MRC1: variants seen among roughly 807,000 people sequenced by gnomAD.
MRC1 encodes the protein macrophage mannose receptor 1.
MRC1 carries 62 observed loss-of-function variants against 102.9 expected under a neutral mutation model. That is an observed-to-expected ratio of 0.60 (90% CI 0.49 to 0.74). The LOEUF is 0.74. Among genes scored for constraint, MRC1 ranks in the 30% least tolerant of loss-of-function variants. The probability of loss-of-function intolerance (pLI) is 0.00; values close to 1 mark genes in which losing one functional copy is unlikely to be tolerated. For synonymous variants in MRC1, 457 were observed against 298.4 expected, an observed-to-expected ratio of 1.53 and a Z score of -5.48; for missense variants, 1,237 against 862.8, an observed-to-expected ratio of 1.43 and a Z score of -5.43.
intron 2 of MRC1, among the ~76,000 whole-genome samples, chr10:17,824,033 T>C (rs894485731): frequency 3.5e-4 from 53 of 152,332 alleles, no homozygotes; most frequent in Admixed American, 2.0e-4. Context: ...ATCTCTAGGA[T>C]TAGCTTGTAA....
chr10:17,878,242 T>C (rs1351644768), intron 18 of MRC1, among the ~76,000 whole-genome samples: 1 of 152,210 alleles, frequency 6.6e-6, no homozygotes, highest in African/African-American at 2.4e-5. Context: ...AATCATCTAC[T>C]AAAAAGTTGT....
At chr10:17,819,024 T>C (rs1296600455) in intron 1 of MRC1, among the ~76,000 whole-genome samples, 2 of 152,150 alleles carry the variant, frequency 1.3e-5, no homozygotes, top group South Asian at 2.1e-4. Flanking sequence ...AGTGGTTCCC[T>C]TTTGCAGGGT....
chr10:17,834,193 G>A (rs1838625538), intron 4 of MRC1, among the ~76,000 whole-genome samples: 1 of 152,168 alleles, frequency 6.6e-6, no homozygotes, highest in Non-Finnish European at 1.5e-5. Flanking sequence ...GGTCTAACCT[G>A]AAGCCACAGG....
intron 2 of MRC1, among the ~76,000 whole-genome samples, 161 bp from the exon 3 acceptor site, chr10:17,827,359 GAAAAAAAATACCCAAAAAAAAA>G (rs1838492408): frequency 1.9e-5 from 1 of 53,532 alleles, no homozygotes; most frequent in African/African-American, 7.1e-5. Context: ...GAAGGAGAAG[GAAAAAAAATACCCAAAAAAAAA>G]AAAAAAAAAA....
intron 4 of MRC1, among the ~76,000 whole-genome samples, chr10:17,840,065 CA>C (rs35908194): frequency 3.5e-4 from 36 of 103,064 alleles, no homozygotes; most frequent in South Asian, 7.4e-4. Context: ...GACTCCAACT[CA>C]AAAAAAAAAA....
chr10:17,815,565 T>A (rs147243309), intron 1 of MRC1, among the ~76,000 whole-genome samples: 77,084 of 151,910 alleles, frequency 0.51, 19,797 homozygotes, highest in Middle Eastern at 0.6. Flanking sequence ...TTCTACTGAC[T>A]TGGGAGCGAA....
At chr10:17,812,722 C>G (rs2130569159) in intron 1 of MRC1, among the ~76,000 whole-genome samples, 1 of 152,154 alleles carries the variant, frequency 6.6e-6, no homozygotes, top group African/African-American at 2.4e-5. Context: ...CAGGCACCCG[C>G]CACCACACCC....
chr10:17,814,229 C>T (rs1211393073), intron 1 of MRC1, among the ~76,000 whole-genome samples: 1 of 152,130 alleles, frequency 6.6e-6, no homozygotes, highest in Non-Finnish European at 1.5e-5. Context: ...GATCTTTAGA[C>T]TCTGAGGCTA....
intron 4 of MRC1, among the ~76,000 whole-genome samples, chr10:17,836,710 C>T (rs906635907): frequency 6.6e-6 from 1 of 151,930 alleles, no homozygotes; most frequent in Non-Finnish European, 1.5e-5. Flanking sequence ...GTGGCAGGCT[C>T]CTGTATTCCC....
At chr10:17,841,748 T>C (rs1838754499) in intron 5 of MRC1, among the ~76,000 whole-genome samples, 2 of 151,594 alleles carry the variant, frequency 1.3e-5, no homozygotes, top group African/African-American at 4.8e-5. Context: ...CCATTTTTTT[T>C]TTTTTTTTTT....
rs1430868130 is a variant in MRC1, at chr10:17,886,343, TTTCC to T, written c.3147+909_3147+912del. Reference sequence around the variant, plus strand: ...TCCTTCCTTCCTTCCTTCCTTCTTCTTTCCCTCCCTCCCTCTCCCTCTCCCTCTC... The same window carrying T: ...TCCTTCCTTCCTTCCTTCCTTCTTCTCTCCCTCCCTCTCCCTCTCCCTCTC... On this transcript the variant is annotated intron_variant, in intron 22 of 29. Coordinates refer to ENST00000569591, the MANE Select transcript of MRC1 (RefSeq NM_002438.4). Among the ~76,000 whole-genome samples, 832 of 147,678 alleles carry T rather than the reference TTTCC, an allele frequency of 5.6e-3. 9 individuals are homozygous for T. The highest frequency in any genetic ancestry group is 0.018 in the African/African-American group (714 of 39,276).
chr10:17,870,621 C>T (rs1176574934), intron 13 of MRC1, among the ~76,000 whole-genome samples: 3 of 152,048 alleles, frequency 2.0e-5, no homozygotes, highest in Non-Finnish European at 4.4e-5. Context: ...TCTTTCAATA[C>T]GATACCATTA....
chr10:17,853,270 A>G, intron 8 of MRC1, 146 bp downstream of exon 8: 1 of 688,970 alleles, frequency 1.5e-6, no homozygotes, highest in Non-Finnish European at 2.7e-6. Flanking sequence ...TTCAGATTTG[A>G]TTTCTTGAAT....
chr10:17,863,966 T>C lies in MRC1; in HGVS notation c.1783+284T>C, dbSNP rs1284722985. ...TCTACTTAAAACCTATTCATGAAAT[T>C]CTCAGTGGTCGCAAAGGTTTCAAAT... On this transcript the variant is annotated intron_variant, in intron 11 of 29. Coordinates refer to ENST00000569591, the MANE Select transcript of MRC1 (RefSeq NM_002438.4). Among the ~76,000 whole-genome samples, 5 of 152,256 alleles carry C rather than the reference T, an allele frequency of 3.3e-5. No homozygotes were observed. The South Asian group carries it at 1.0e-3, about 32-fold the overall frequency.
At chr10:17,823,592 C>T in intron 2 of MRC1, 117 bp downstream of exon 2, 1 of 740,264 alleles carries the variant, frequency 1.4e-6, no homozygotes, top group Non-Finnish European at 2.5e-6. Flanking sequence ...ATCAATTGAT[C>T]AGCATCTTTG....
At chr10:17,869,168 G>T (rs1004028616) in intron 12 of MRC1, among the ~76,000 whole-genome samples, 1 of 152,040 alleles carries the variant, frequency 6.6e-6, no homozygotes, top group East Asian at 1.9e-4. Flanking sequence ...CTTGGGGTAG[G>T]GTTTGTTTGG....
At chr10:17,826,056 A>T (rs1838469776) in intron 2 of MRC1, among the ~76,000 whole-genome samples, 1 of 152,230 alleles carries the variant, frequency 6.6e-6, no homozygotes, top group Admixed American at 6.5e-5. Context: ...TAATATTTAA[A>T]GAGGACTTGA....
At chr10:17,879,968 G>A (rs983186791) in intron 19 of MRC1, 147 bp downstream of exon 19, 2 of 727,222 alleles carry the variant, frequency 2.8e-6, no homozygotes, top group Non-Finnish European at 2.6e-6. Context: ...CAGCCTAACA[G>A]TTCAACTTGT....
intron 6 of MRC1, among the ~76,000 whole-genome samples, chr10:17,846,001 C>T (rs1445780942): frequency 6.6e-6 from 1 of 152,188 alleles, no homozygotes; most frequent in Non-Finnish European, 1.5e-5. Context: ...ACTTCGCCTC[C>T]TGGGTTCGTG....
Sources: allele counts gnomAD v4.1 joint callset (sites outside exome capture counted in the v4.1 genomes callset), GRCh38; gene constraint gnomAD v4.1.1; transcripts MANE v1.5; gene names NCBI Gene and HGNC (gene_info 2026-07-23, HGNC 2026-07-21).